Variants in LHFPL6 observed in about 807,000 individuals in gnomAD.
LHFPL6 encodes LHFPL tetraspan subfamily member 6 protein.
In LHFPL6, 9 loss-of-function variants were observed where a neutral mutation model predicts 20.6. That is an observed-to-expected ratio of 0.44 (90% CI 0.26 to 0.76). The LOEUF is 0.76. Among genes scored for constraint, LHFPL6 ranks in the 30% least tolerant of loss-of-function variants. The pLI is 0.20. For synonymous variants in LHFPL6, 105 were observed against 98.7 expected, an observed-to-expected ratio of 1.06 and a Z score of -0.38; for missense variants, 218 against 253.5, an observed-to-expected ratio of 0.86 and a Z score of 0.95.
At chr13:39,454,792 T>G (rs1303267570) in intron 2 of LHFPL6, among the ~76,000 whole-genome samples, 1 of 152,356 alleles carries the variant, frequency 6.6e-6, no homozygotes, top group African/African-American at 2.4e-5. Flanking sequence ...GAATGAATTA[T>G]TATACATATT....
At chr13:39,583,629 A>C (rs1261481989) in intron 2 of LHFPL6, among the ~76,000 whole-genome samples, 1 of 152,234 alleles carries the variant, frequency 6.6e-6, no homozygotes, top group Non-Finnish European at 1.5e-5. Flanking sequence ...GACTAGCATA[A>C]GTGAAAGAAT....
intron 2 of LHFPL6, among the ~76,000 whole-genome samples, chr13:39,441,601 C>T (rs1432111147): frequency 6.6e-6 from 1 of 151,876 alleles, no homozygotes; most frequent in East Asian, 2.0e-4. Context: ...CAGCCTTGAC[C>T]TCCTGGGCTC....
At chr13:39,522,824 G>A (rs1214463403) in intron 2 of LHFPL6, among the ~76,000 whole-genome samples, 1 of 152,200 alleles carries the variant, frequency 6.6e-6, no homozygotes, top group East Asian at 1.9e-4. Flanking sequence ...ATCTAATATA[G>A]TGTCTCGCTC....
intron 2 of LHFPL6, among the ~76,000 whole-genome samples, chr13:39,592,342 A>C (rs1435693714): frequency 6.6e-6 from 1 of 152,182 alleles, no homozygotes; most frequent in Non-Finnish European, 1.5e-5. Context: ...TACTGTAAAC[A>C]CCTCCACACA....
Position 39,559,200 on chromosome 13 carries a change from G to C in LHFPL6, c.385+41632C>G, listed in dbSNP as rs1181789649. 3.3e-5 allele frequency among the ~76,000 whole-genome samples: 5 copies of C among 152,314 alleles called. No individual in the cohort carries two copies. The South Asian group carries it at 8.3e-4, about 25-fold the overall frequency. Reference sequence around the variant, plus strand: ...GGGAGGACTCAGTGCCTCTCCTCCAGGGACAGGTAGAGATGTCCTCACCCA... The same window carrying C: ...GGGAGGACTCAGTGCCTCTCCTCCACGGACAGGTAGAGATGTCCTCACCCA... On this transcript the variant is annotated intron_variant, in intron 2 of 3. Coordinates refer to ENST00000379589, the MANE Select transcript of LHFPL6 (RefSeq NM_005780.3).
intron 2 of LHFPL6, among the ~76,000 whole-genome samples, chr13:39,386,495 T>C (rs1427977844): frequency 6.6e-6 from 1 of 152,116 alleles, no homozygotes; most frequent in Admixed American, 6.5e-5. Context: ...CTCAGATTAA[T>C]CCCGGGCCTC....
chr13:39,475,709 G>C (rs1308352444), intron 2 of LHFPL6, among the ~76,000 whole-genome samples: 2 of 152,122 alleles, frequency 1.3e-5, no homozygotes, highest in East Asian at 3.9e-4. Flanking sequence ...GCCCAGGAGA[G>C]ACTACTGCTG....
intron 2 of LHFPL6, among the ~76,000 whole-genome samples, chr13:39,390,736 T>C (rs1870687004): frequency 6.6e-6 from 1 of 152,180 alleles, no homozygotes; most frequent in Admixed American, 6.5e-5. Context: ...GGCTCACACC[T>C]GTAATCCCAG....
At chr13:39,499,569 C>G (rs982961333) in intron 2 of LHFPL6, among the ~76,000 whole-genome samples, 5 of 151,860 alleles carry the variant, frequency 3.3e-5, no homozygotes, top group African/African-American at 1.2e-4. Context: ...TATACGCCAC[C>G]CTTTCAGGAG....
intron 2 of LHFPL6, among the ~76,000 whole-genome samples, chr13:39,464,566 G>T (rs1872756438): frequency 6.6e-6 from 1 of 152,142 alleles, no homozygotes; most frequent in African/African-American, 2.4e-5. Flanking sequence ...ATGTAGAGAA[G>T]CTCAAATCCG....
At chr13:39,403,849 T>C (rs1033970691) in intron 2 of LHFPL6, among the ~76,000 whole-genome samples, 3 of 152,210 alleles carry the variant, frequency 2.0e-5, no homozygotes, top group Admixed American at 6.5e-5. Context: ...CATGTATCCC[T>C]TAGGCTTGAA....
intron 3 of LHFPL6, among the ~76,000 whole-genome samples, chr13:39,345,638 CAGCGTTTGACTACTGCA>C: frequency 6.6e-6 from 1 of 151,908 alleles, no homozygotes; most frequent in Non-Finnish European, 1.5e-5. Flanking sequence ...CAATGACAAC[CAGCGTTTGACTACTGCA>C]TACCGAAGTG....
chr13:39,545,118 C>T (rs998182032), intron 2 of LHFPL6, among the ~76,000 whole-genome samples: 3 of 151,590 alleles, frequency 2.0e-5, no homozygotes, highest in Non-Finnish European at 4.4e-5. Flanking sequence ...TGGGGACGGG[C>T]GCCTGTAGTC....
intron 2 of LHFPL6, among the ~76,000 whole-genome samples, chr13:39,567,963 A>G (rs1871779726): frequency 1.3e-5 from 2 of 152,216 alleles, no homozygotes; most frequent in African/African-American, 2.4e-5. Flanking sequence ...ATGTTTGCCA[A>G]TCTCTGTTCT....
intron 2 of LHFPL6, among the ~76,000 whole-genome samples, chr13:39,479,568 T>G (rs1201750107): frequency 6.6e-6 from 1 of 152,182 alleles, no homozygotes; most frequent in Non-Finnish European, 1.5e-5. Flanking sequence ...AACAGTAATG[T>G]CAGAGAAATC....
intron 2 of LHFPL6, among the ~76,000 whole-genome samples, chr13:39,522,529 G>A (rs1221928086): frequency 1.3e-5 from 2 of 152,156 alleles, no homozygotes; most frequent in East Asian, 1.9e-4. Flanking sequence ...CACCAGTCCC[G>A]CTCCACGCAC....
At chr13:39,440,699 C>G (rs1426053136) in intron 2 of LHFPL6, among the ~76,000 whole-genome samples, 2 of 152,106 alleles carry the variant, frequency 1.3e-5, no homozygotes, top group Non-Finnish European at 2.9e-5. Context: ...CTCCTGGGCT[C>G]AAGCAATTCT....
At chr13:39,490,579 A>G (rs896985840) in intron 2 of LHFPL6, among the ~76,000 whole-genome samples, 2 of 152,244 alleles carry the variant, frequency 1.3e-5, no homozygotes, top group African/African-American at 2.4e-5. Flanking sequence ...ACAGTAAGTC[A>G]GTAGCTACTA....
chr13:39,415,917 C>A (rs944398606), intron 2 of LHFPL6, among the ~76,000 whole-genome samples: 1 of 152,188 alleles, frequency 6.6e-6, no homozygotes, highest in Non-Finnish European at 1.5e-5. Context: ...CTTGAGTAGA[C>A]ATTTGATGCT....
Sources: allele counts gnomAD v4.1 joint callset (sites outside exome capture counted in the v4.1 genomes callset), GRCh38; gene constraint gnomAD v4.1.1; transcripts MANE v1.5; gene names NCBI Gene and HGNC (gene_info 2026-07-23, HGNC 2026-07-21).